The following ASIC2 variants were observed in gnomAD, a reference collection of about 807,000 sequenced individuals.
ASIC2 encodes acid-sensing ion channel 2.
Under a neutral mutation model 57.3 loss-of-function variants are expected in ASIC2, and 25 were observed. That is an observed-to-expected ratio of 0.44 (90% CI 0.32 to 0.61). The LOEUF (loss-of-function observed/expected upper bound fraction) is 0.61. Among genes scored for constraint, ASIC2 ranks in the 20% least tolerant of loss-of-function variants. The pLI is 0.06. For missense variants in ASIC2, 641 were observed against 738.1 expected (o/e 0.87, Z 1.52); for synonymous variants, 319 against 307.5 (o/e 1.04, Z -0.39).
chr17:33,062,488 A>C (rs762575519), intron 3 of ASIC2, among the ~76,000 whole-genome samples: 16 of 152,186 alleles, frequency 1.1e-4, no homozygotes, highest in Non-Finnish European at 1.8e-4. Flanking sequence ...GAGTTTCTTA[A>C]TCCTGAGTTC....
intron 1 of ASIC2, among the ~76,000 whole-genome samples, chr17:33,356,102 T>C (rs1344871152): frequency 6.6e-6 from 1 of 152,086 alleles, no homozygotes; most frequent in African/African-American, 2.4e-5. Context: ...TGTGTAAAAG[T>C]TAGAGAACTC....
In ASIC2 at chr17:34,090,703, A is replaced by C. The variant is rs180954935; in HGVS notation, c.555+65275T>G. ...CTGCTAAACTCTGGCAACTTCCTATAGACCCTCAGTAATGGGCCACTCCCC... is the reference window on the plus strand; with the variant it reads ...CTGCTAAACTCTGGCAACTTCCTATCGACCCTCAGTAATGGGCCACTCCCC... On this transcript the variant is annotated intron_variant, in intron 1 of 9. Transcript: ENST00000359872. Among the ~76,000 whole-genome samples, 152 of 152,330 alleles carry C rather than the reference A, an allele frequency of 1.0e-3. No individual in the cohort carries two copies. In the Middle Eastern group the frequency reaches 0.027, roughly 27 times the overall value.
At chr17:33,474,229 T>G (rs1420165878) in intron 1 of ASIC2, among the ~76,000 whole-genome samples, 1 of 152,054 alleles carries the variant, frequency 6.6e-6, no homozygotes, top group Admixed American at 6.6e-5. Context: ...TAGCCGGGTG[T>G]GGTGGCACAC....
chr17:33,693,092 C>T (rs892933668), intron 1 of ASIC2, among the ~76,000 whole-genome samples: 1 of 152,144 alleles, frequency 6.6e-6, no homozygotes, highest in Non-Finnish European at 1.5e-5. Flanking sequence ...CTAATTTTAA[C>T]TGGTATCTTT....
intron 1 of ASIC2, among the ~76,000 whole-genome samples, chr17:33,149,212 A>G (rs192152462): frequency 8.2e-4 from 125 of 152,392 alleles, no homozygotes; most frequent in South Asian, 3.5e-3. Context: ...AGAAACATAA[A>G]GAAAACAAAA....
chr17:34,021,085 C>T (rs61650116), intron 1 of ASIC2, among the ~76,000 whole-genome samples: 6,881 of 151,812 alleles, frequency 0.045, 521 homozygotes, highest in African/African-American at 0.16. Flanking sequence ...TCTGGGGACT[C>T]GGGGAAAAGG....
chr17:33,945,181 C>T (rs1038295190), intron 1 of ASIC2, among the ~76,000 whole-genome samples: 1 of 152,210 alleles, frequency 6.6e-6, no homozygotes, highest in Non-Finnish European at 1.5e-5. Context: ...AGTCACTTAA[C>T]ATCCCGAACC....
intron 1 of ASIC2, among the ~76,000 whole-genome samples, chr17:33,214,532 T>C (rs1242708143): frequency 6.6e-6 from 1 of 152,216 alleles, no homozygotes; most frequent in Non-Finnish European, 1.5e-5. Context: ...GTGCTGGTTA[T>C]TGTGTCTGGG....
chr17:34,110,716 T>C (rs1444859879), intron 1 of ASIC2, among the ~76,000 whole-genome samples: 1 of 152,224 alleles, frequency 6.6e-6, no homozygotes, highest in Non-Finnish European at 1.5e-5. Flanking sequence ...CAGATAGTGT[T>C]TCCTGTCAAG....
At chr17:33,139,624 T>C (rs1022339693) in intron 1 of ASIC2, among the ~76,000 whole-genome samples, 3 of 152,174 alleles carry the variant, frequency 2.0e-5, no homozygotes, top group East Asian at 1.9e-4. Flanking sequence ...TGCTGGTTTG[T>C]TGCTGATGCT....
At chr17:33,091,612 A>G (rs1219391437) in intron 2 of ASIC2, among the ~76,000 whole-genome samples, 1 of 152,194 alleles carries the variant, frequency 6.6e-6, no homozygotes, top group Non-Finnish European at 1.5e-5. Context: ...TGCCTCTCTT[A>G]GTGAGAACCG....
At chr17:33,519,028 G>C (rs746099138) in intron 1 of ASIC2, among the ~76,000 whole-genome samples, 11 of 96,278 alleles carry the variant, frequency 1.1e-4, no homozygotes, top group Non-Finnish European at 2.0e-4. Context: ...CACCATGTTG[G>C]CCAGGATGGT....
intron 1 of ASIC2, among the ~76,000 whole-genome samples, chr17:33,363,513 G>C (rs1359828982): frequency 6.6e-6 from 1 of 152,234 alleles, no homozygotes; most frequent in African/African-American, 2.4e-5. Context: ...TCATGAGGCA[G>C]TGTTTGCACA....
At chr17:33,625,970 C>A (rs1172355998) in intron 1 of ASIC2, among the ~76,000 whole-genome samples, 1 of 152,192 alleles carries the variant, frequency 6.6e-6, no homozygotes, top group Non-Finnish European at 1.5e-5. Context: ...AATTCCAGGG[C>A]AGGCATATAC....
At chr17:33,432,246 C>T (rs536134638) in intron 1 of ASIC2, among the ~76,000 whole-genome samples, 5 of 152,286 alleles carry the variant, frequency 3.3e-5, no homozygotes, top group South Asian at 4.1e-4. Flanking sequence ...CCAGGTGTGG[C>T]GGCTCATGCC....
intron 1 of ASIC2, among the ~76,000 whole-genome samples, chr17:34,078,389 G>T (rs1191459246): frequency 6.6e-6 from 1 of 152,122 alleles, no homozygotes; most frequent in Non-Finnish European, 1.5e-5. Context: ...GAGCCCATGA[G>T]GGGGCGAAAG....
chr17:33,035,317 G>C (rs2091904746), intron 3 of ASIC2, among the ~76,000 whole-genome samples: 1 of 151,986 alleles, frequency 6.6e-6, no homozygotes, highest in Admixed American at 6.6e-5. Flanking sequence ...TCTATTGGTG[G>C]TTTATTTTTC....
chr17:33,285,347 T>G (rs1302664458), intron 1 of ASIC2, among the ~76,000 whole-genome samples: 1 of 152,222 alleles, frequency 6.6e-6, no homozygotes, highest in Non-Finnish European at 1.5e-5. Flanking sequence ...AAATGTCTAT[T>G]TAATCACCAT....
chr17:34,040,086 T>A (rs1908059804), intron 1 of ASIC2, among the ~76,000 whole-genome samples: 1 of 138,326 alleles, frequency 7.2e-6, no homozygotes, highest in Non-Finnish European at 1.5e-5. Flanking sequence ...AGGCCGCAGA[T>A]CCCCGGGCTC....
Sources: gnomAD v4.1 joint callset for allele counts (sites outside exome capture counted in the v4.1 genomes callset) on GRCh38, gnomAD v4.1.1 for gene constraint, MANE v1.5 for transcripts, NCBI Gene and HGNC (gene_info 2026-07-23, HGNC 2026-07-21) for gene names.